Variants in CFAP69 observed in about 807,000 individuals in gnomAD.
The protein encoded by CFAP69 is cilia- and flagella-associated protein 69.
In CFAP69, 92 loss-of-function variants were observed where a neutral mutation model predicts 123.0. The ratio of observed to expected loss-of-function variants is 0.75; its 90% CI spans 0.63 to 0.89. CFAP69 has a LOEUF of 0.89. Among genes scored for constraint, CFAP69 ranks in the 40% least tolerant of loss-of-function variants. The pLI is 0.00. For synonymous variants in CFAP69, 380 were observed against 364.3 expected (o/e 1.04, Z -0.49); for missense variants, 1,067 against 1,096.9 (o/e 0.97, Z 0.39).
At chr7:90,320,757 T>G in the CFAP69 span, 1 of 152,268 alleles carries the variant, frequency 6.6e-6, no homozygotes. Flanking sequence ...GAATCAAATC[T>G]AAACAGGACA....
Position 90,246,811 on chromosome 7 carries a change from C to T in CFAP69, c.120+1267C>T, listed in dbSNP as rs1385131376. ...GGCAACGTTATACAAGGCAAGCAAG[C>T]GTGGATTTTTTTTTTTTTTTAGGGA... On this transcript the variant is annotated intron_variant, in intron 1 of 22. Transcript: ENST00000389297. Among the ~76,000 whole-genome samples, 3 of 146,362 alleles carry T rather than the reference C, an allele frequency of 2.0e-5. No individual in the cohort carries two copies. In the East Asian group the frequency reaches 7.5e-4, roughly 37 times the overall value.
At chr7:90,272,938 G>T (rs1423303506) in intron 8 of CFAP69, among the ~76,000 whole-genome samples, 5 of 152,148 alleles carry the variant, frequency 3.3e-5, no homozygotes, top group Non-Finnish European at 5.9e-5. Flanking sequence ...GCTCTGACTG[G>T]CGAAAAGGCA....
chr7:90,312,137 T>C (rs1321310612), downstream of CFAP69, among the ~76,000 whole-genome samples: 3 of 152,204 alleles, frequency 2.0e-5, no homozygotes, highest in Non-Finnish European at 2.9e-5. Flanking sequence ...TTAGATAATG[T>C]GATGGTGGCC....
intron 18 of CFAP69, chr7:90,304,327 C>T: frequency 1.6e-6 from 2 of 1,276,640 alleles, no homozygotes; most frequent in Non-Finnish European, 2.0e-6. Context: ...GCTCCCCAGG[C>T]AATTCCAATG....
chr7:90,296,429 G>A (rs1308167276), intron 15 of CFAP69, among the ~76,000 whole-genome samples: 1 of 152,058 alleles, frequency 6.6e-6, no homozygotes, highest in Non-Finnish European at 1.5e-5. Context: ...CTGGGTTCAA[G>A]CTATTCTCCT....
chr7:90,300,684 C>A, intron 17 of CFAP69: 1 of 228,162 alleles, frequency 4.4e-6, no homozygotes. Flanking sequence ...GGGTTTCACT[C>A]AGGTCACCCA....
intron 5 of CFAP69, among the ~76,000 whole-genome samples, chr7:90,267,090 G>T (rs142102462): frequency 1.4e-4 from 21 of 152,266 alleles, no homozygotes; most frequent in African/African-American, 5.1e-4. Context: ...AAGCTTAGTT[G>T]TTCTTGTTGC....
downstream of CFAP69, chr7:90,312,578 A>G (rs1794425484): frequency 1.3e-5 from 2 of 152,202 alleles, no homozygotes; most frequent in Admixed American, 1.3e-4. Context: ...GTTCCTTAAT[A>G]CAGACACTTG....
intron 5 of CFAP69, among the ~76,000 whole-genome samples, chr7:90,267,967 T>C (rs941252426): frequency 5.9e-5 from 9 of 152,192 alleles, no homozygotes; most frequent in African/African-American, 2.2e-4. Flanking sequence ...ACATGGGTAG[T>C]AAATGGCATA....
chr7:90,279,559 T>C (rs909923717), intron 11 of CFAP69, 118 bp from the exon 12 acceptor site: 6 of 591,938 alleles, frequency 1.0e-5, no homozygotes, highest in Non-Finnish European at 1.7e-5. Context: ...GGTTATTTTA[T>C]AAAGGAATTA....
chr7:90,265,520 T>C, intron 5 of CFAP69, 143 bp downstream of exon 5: 1 of 564,006 alleles, frequency 1.8e-6, no homozygotes, highest in Non-Finnish European at 3.2e-6. Context: ...TTAATCACAG[T>C]GTGCTTGGTG....
At chr7:90,322,711 G>A in the CFAP69 span, 1 of 152,118 alleles carries the variant, frequency 6.6e-6, no homozygotes, top group East Asian at 1.9e-4. Context: ...AAAATGTAAG[G>A]AGACAGGTAA....
intron 2 of CFAP69, among the ~76,000 whole-genome samples, chr7:90,257,130 G>A (rs1797751042): frequency 6.6e-6 from 1 of 152,104 alleles, no homozygotes; most frequent in Non-Finnish European, 1.5e-5. Context: ...TCCTAATAGG[G>A]TCATTTTGGA....
chr7:90,286,505 T>C (rs1790298893), intron 14 of CFAP69, 106 bp downstream of exon 14: 8 of 1,197,226 alleles, frequency 6.7e-6, no homozygotes, highest in Non-Finnish European at 9.3e-6. Flanking sequence ...AAATTTAATA[T>C]TTTTGTTAAT....
chr7:90,267,154 G>A (rs1016303142), intron 5 of CFAP69, among the ~76,000 whole-genome samples: 11 of 152,074 alleles, frequency 7.2e-5, no homozygotes, highest in South Asian at 2.1e-4. Flanking sequence ...AGAACAGTCC[G>A]AAAAATAAAT....
At chr7:90,304,131 AAG>A (rs1793211574) in intron 18 of CFAP69, 25 bp downstream of exon 18, 2 of 1,541,242 alleles carry the variant, frequency 1.3e-6, no homozygotes, top group Non-Finnish European at 1.8e-6. Flanking sequence ...TCAAATTTGC[AAG>A]AGTCTGTTTT....
At chr7:90,261,718 GA>G (rs1254959503) in intron 3 of CFAP69, among the ~76,000 whole-genome samples, 1 of 151,850 alleles carries the variant, frequency 6.6e-6, no homozygotes, top group Non-Finnish European at 1.5e-5. Flanking sequence ...GTTGTGAGAG[GA>G]AAAAAATTTT....
chr7:90,280,393 G>A (rs551872038), intron 12 of CFAP69, among the ~76,000 whole-genome samples: 2 of 152,200 alleles, frequency 1.3e-5, no homozygotes, highest in East Asian at 1.9e-4. Flanking sequence ...ACAGGGTTTC[G>A]CCATGTTGCC....
downstream of CFAP69, among the ~76,000 whole-genome samples, chr7:90,316,062 C>G (rs1315293990): frequency 1.3e-5 from 2 of 152,082 alleles, no homozygotes; most frequent in African/African-American, 4.8e-5. Flanking sequence ...CCATTGCACT[C>G]CAGCCTGAGC....
Sources: gnomAD v4.1 joint callset for allele counts (sites outside exome capture counted in the v4.1 genomes callset) on GRCh38, gnomAD v4.1.1 for gene constraint, MANE v1.5 for transcripts, NCBI Gene and HGNC (gene_info 2026-07-23, HGNC 2026-07-21) for gene names.